ADGRL2: variants seen among roughly 807,000 people sequenced by gnomAD.
ADGRL2 encodes the protein adhesion G protein-coupled receptor L2.
Under a neutral mutation model 157.4 loss-of-function variants are expected in ADGRL2, and 44 were observed. The ratio of observed to expected loss-of-function variants is 0.28; its 90% CI spans 0.22 to 0.36. ADGRL2 has a LOEUF of 0.36. Ranked by LOEUF, ADGRL2 falls within the 10% of genes least tolerant of loss-of-function variation. ADGRL2 has a pLI of 1.00. For synonymous variants in ADGRL2, 585 were observed against 624.7 expected (o/e 0.94, Z 0.95); for missense variants, 1,510 against 1,768.9 (o/e 0.85, Z 2.63).
intron 2 of ADGRL2, among the ~76,000 whole-genome samples, chr1:81,462,594 C>T (rs1167083353): frequency 3.3e-5 from 5 of 152,016 alleles, no homozygotes; most frequent in Admixed American, 3.3e-4. Context: ...GTAAAGTTAC[C>T]AGGTAGTGTG....
At chr1:81,404,049 G>A (rs994292837) in intron 1 of ADGRL2, among the ~76,000 whole-genome samples, 2 of 152,088 alleles carry the variant, frequency 1.3e-5, no homozygotes, top group Non-Finnish European at 2.9e-5. Context: ...GTCCACCTCG[G>A]CCTCCCAAAG....
chr1:81,781,446 A>T (rs1434645989), intron 2 of ADGRL2, among the ~76,000 whole-genome samples: 1 of 152,212 alleles, frequency 6.6e-6, no homozygotes, highest in African/African-American at 2.4e-5. Context: ...CAGCTAAAAA[A>T]AAAGGTTGAA....
chr1:81,900,769 A>G (rs756786165), intron 2 of ADGRL2, among the ~76,000 whole-genome samples: 21 of 152,190 alleles, frequency 1.4e-4, no homozygotes, highest in Non-Finnish European at 2.5e-4. Context: ...TGAACTTTTA[A>G]TACTCTTTCT....
chr1:81,851,734 T>TTGTGTGTGTGTGTGTGTG (rs5775643), intron 2 of ADGRL2, among the ~76,000 whole-genome samples: 146 of 146,406 alleles, frequency 1.0e-3, no homozygotes, highest in South Asian at 6.6e-3. Flanking sequence ...CCACTTAAAT[T>TTGTGTGTGTGTGTGTGTG]TGTGTGTGTG....
At chr1:81,380,831 T>G (rs968966042) in intron 1 of ADGRL2, among the ~76,000 whole-genome samples, 1 of 152,106 alleles carries the variant, frequency 6.6e-6, no homozygotes, top group Non-Finnish European at 1.5e-5. Flanking sequence ...CTTAACTGTT[T>G]ATTCTTTTTA....
chr1:81,411,477 G>A (rs1450477088), intron 1 of ADGRL2, among the ~76,000 whole-genome samples: 1 of 152,128 alleles, frequency 6.6e-6, no homozygotes, highest in Non-Finnish European at 1.5e-5. Context: ...GAGAAACTGA[G>A]GCACAGGCAT....
intron 2 of ADGRL2, among the ~76,000 whole-genome samples, chr1:81,497,282 C>A (rs557184814): frequency 2.9e-4 from 44 of 152,250 alleles, no homozygotes; most frequent in African/African-American, 1.0e-3. Flanking sequence ...TTGCTCCAGG[C>A]GCTAGCGTAT....
At chr1:81,730,856 TC>T (rs1284203657) in intron 1 of ADGRL2, among the ~76,000 whole-genome samples, 1 of 152,238 alleles carries the variant, frequency 6.6e-6, no homozygotes, top group Admixed American at 6.5e-5. Context: ...GTTGTTTCAT[TC>T]TTTACTTAAC....
chr1:81,588,636 C>T (rs1350280268), intron 3 of ADGRL2, among the ~76,000 whole-genome samples: 4 of 152,130 alleles, frequency 2.6e-5, no homozygotes, highest in African/African-American at 9.7e-5. Flanking sequence ...GGAGTCTAAG[C>T]ACCTGATTAC....
chr1:81,971,992 T>A, intron 17 of ADGRL2, 74 bp downstream of exon 17: 5 of 846,008 alleles, frequency 5.9e-6, no homozygotes, highest in Middle Eastern at 2.4e-4. Context: ...GATAATTTGT[T>A]TTATTGTTTG....
At chr1:81,750,020 G>A (rs575973290) in intron 1 of ADGRL2, among the ~76,000 whole-genome samples, 62 of 152,302 alleles carry the variant, frequency 4.1e-4, no homozygotes, top group Non-Finnish European at 8.2e-4. Context: ...TGTCAAATAT[G>A]TGAAGTCTAG....
At chr1:81,436,978 A>G (rs1441823370) in intron 1 of ADGRL2, among the ~76,000 whole-genome samples, 1 of 152,252 alleles carries the variant, frequency 6.6e-6, no homozygotes, top group East Asian at 1.9e-4. Flanking sequence ...ACGATAGTAA[A>G]TCCAGATGGC....
intron 2 of ADGRL2, among the ~76,000 whole-genome samples, chr1:81,838,919 C>G (rs1251959263): frequency 6.6e-6 from 1 of 151,786 alleles, no homozygotes; most frequent in Non-Finnish European, 1.5e-5. Flanking sequence ...GAACCTGGGA[C>G]GAACCCATAC....
chr1:81,590,395 C>T (rs750962050), intron 3 of ADGRL2, among the ~76,000 whole-genome samples: 6 of 152,082 alleles, frequency 3.9e-5, no homozygotes, highest in African/African-American at 9.7e-5. Flanking sequence ...ACAGTTCCCA[C>T]GCCCACCCAC....
intron 3 of ADGRL2, among the ~76,000 whole-genome samples, chr1:81,642,948 G>A (rs1397934193): frequency 1.3e-5 from 2 of 152,028 alleles, no homozygotes; most frequent in Non-Finnish European, 2.9e-5. Context: ...TGAAAAATAC[G>A]AAAAAGAAAT....
intron 3 of ADGRL2, among the ~76,000 whole-genome samples, chr1:81,684,062 G>C (rs560727901): frequency 6.0e-4 from 92 of 152,266 alleles, no homozygotes; most frequent in African/African-American, 2.1e-3. Flanking sequence ...TGATCCGCCT[G>C]CCTCAGCCTC....
At chr1:81,922,946 ATCTG>A (rs1440676956) in intron 3 of ADGRL2, among the ~76,000 whole-genome samples, 10 of 152,186 alleles carry the variant, frequency 6.6e-5, no homozygotes, top group African/African-American at 1.4e-4. Context: ...CTATCTATGT[ATCTG>A]TCTGTCTATC....
rs74889783 is a variant in ADGRL2, at chr1:81,612,775, A to G, written c.-143+31795A>G. 8.5e-3 allele frequency among the ~76,000 whole-genome samples: 1,295 copies of G among 152,326 alleles called. 30 individuals carry two copies. The highest frequency in any genetic ancestry group is 0.029 in the African/African-American group (1,226 of 41,568). The stretch of plus-strand genomic sequence containing the variant: ...AAATAGGCTAAAGACATTCCTCCAA[A>G]GAAGACATACAAATGGTCAACAGGT... On this transcript the variant is annotated intron_variant, in intron 3 of 24. Coordinates refer to the ADGRL2 transcript ENST00000370721.
chr1:81,337,266 C>A (rs1469986962), intron 1 of ADGRL2, among the ~76,000 whole-genome samples: 1 of 152,176 alleles, frequency 6.6e-6, no homozygotes, highest in Admixed American at 6.5e-5. Flanking sequence ...AGCTGTTAAA[C>A]GCGTAAGACA....
Sources: gnomAD v4.1 joint callset for allele counts (sites outside exome capture counted in the v4.1 genomes callset) on GRCh38, gnomAD v4.1.1 for gene constraint, MANE v1.5 for transcripts, NCBI Gene and HGNC (gene_info 2026-07-23, HGNC 2026-07-21) for gene names.